The following MPPED1 variants were observed in gnomAD, a reference collection of about 807,000 sequenced individuals.
MPPED1 encodes metallophosphoesterase domain containing 1.
In MPPED1, 16 loss-of-function variants were observed where a neutral mutation model predicts 36.2. That is an observed-to-expected ratio of 0.44 (90% CI 0.30 to 0.67). MPPED1 has a LOEUF of 0.67. Ranked by LOEUF, MPPED1 falls within the 30% of genes least tolerant of loss-of-function variation. MPPED1 has a pLI of 0.10. For missense variants in MPPED1, 307 were observed against 453.4 expected (o/e 0.68, Z 2.93); for synonymous variants, 199 against 191.3 (o/e 1.04, Z -0.33).
intron 3 of MPPED1, among the ~76,000 whole-genome samples, chr22:43,444,156 G>C (rs1169611358): frequency 6.6e-6 from 1 of 152,144 alleles, no homozygotes; most frequent in Non-Finnish European, 1.5e-5. Context: ...GTAGTCAAGT[G>C]ATTTTGGCCA....
rs576834698 is a variant in MPPED1, at chr22:43,413,335, C to A, written c.-79+1177C>A. 3.0e-4 allele frequency among the ~76,000 whole-genome samples: 37 copies of A among 123,056 alleles called. No homozygotes were observed. In the Middle Eastern group the frequency reaches 0.014, roughly 47 times the overall value. The allele number at this position is 123,056 out of a possible 152,430, so 80.7% of individuals were successfully genotyped here. Reference sequence around the variant, plus strand: ...GATCTGCGGCGCCGGGGGGCGGGGGCGGGTCAGGCAGACAGGCACTGTCAA... The same window carrying A: ...GATCTGCGGCGCCGGGGGGCGGGGGAGGGTCAGGCAGACAGGCACTGTCAA... On this transcript the variant is annotated intron_variant, in intron 1 of 6. Transcript: ENST00000443721.
Position 43,495,323 on chromosome 22 carries a change from ATGG to A in MPPED1, c.633-2904_633-2902del, listed in dbSNP as rs1376936047. Among the ~76,000 whole-genome samples the A allele has an allele frequency of 8.2e-5, 5 of 61,166 alleles. No homozygotes were observed. In the East Asian group the frequency reaches 2.1e-3, roughly 25 times the overall value. 40.1% of individuals were successfully genotyped at this position (61,166 alleles called of 152,430 possible). A position where few individuals can be genotyped will look rare whatever the true frequency, so the allele number is the denominator to read the frequency against. On this transcript the variant is annotated intron_variant, in intron 4 of 6. Coordinates refer to ENST00000443721, the MANE Select transcript of MPPED1 (RefSeq NM_001044370.2). The stretch of plus-strand genomic sequence containing the variant: ...GGTGATGGTGGTGATGGTGGTGGTG[ATGG>A]TGGTGGTAGTGATGGAGGTGTTGAT...
chr22:43,415,389 C>G (rs528814510), intron 1 of MPPED1, among the ~76,000 whole-genome samples: 1 of 152,114 alleles, frequency 6.6e-6, no homozygotes, highest in Non-Finnish European at 1.5e-5. Flanking sequence ...GCTGCCAACA[C>G]AAATGTTTTA....
chr22:43,491,673 GAGGTGGTGGT>G (rs1457136347), intron 4 of MPPED1, among the ~76,000 whole-genome samples: 1 of 150,258 alleles, frequency 6.7e-6, no homozygotes, highest in African/African-American at 2.5e-5. Flanking sequence ...GATGGTGATG[GAGGTGGTGGT>G]TATGGAGGTG....
chr22:43,488,409 C>A (rs1227051566), intron 4 of MPPED1, among the ~76,000 whole-genome samples: 1 of 152,192 alleles, frequency 6.6e-6, no homozygotes, highest in African/African-American at 2.4e-5. Flanking sequence ...TCTGCCATTT[C>A]CTATAGACGA....
At chr22:43,471,745 C>T (rs543219979) in intron 3 of MPPED1, among the ~76,000 whole-genome samples, 4 of 152,188 alleles carry the variant, frequency 2.6e-5, no homozygotes, top group Non-Finnish European at 5.9e-5. Context: ...TGGGAGGCTT[C>T]ATTCGCCAGA....
chr22:43,455,461 T>G (rs528315132), intron 3 of MPPED1, among the ~76,000 whole-genome samples: 89 of 152,260 alleles, frequency 5.8e-4, no homozygotes, highest in African/African-American at 2.1e-3. Context: ...CCCTCTCATA[T>G]GACCTAATTT....
intron 3 of MPPED1, among the ~76,000 whole-genome samples, chr22:43,455,958 G>A (rs997293412): frequency 6.6e-6 from 1 of 152,216 alleles, no homozygotes; most frequent in African/African-American, 2.4e-5. Flanking sequence ...CGGCAGGGCT[G>A]TGTTCCTTCT....
chr22:43,474,659 C>G lies in MPPED1; in HGVS notation c.407-77C>G. ...TTCATGCAGCTTCCTCCTGCCCGCC[C>G]CTCTCTCAGCCGTGCTGTGGCTTCT... On this transcript the variant is annotated intron_variant, in intron 3 of 6. Transcript: ENST00000443721. The surrounding 1 kb of genome is among the most constrained non-coding windows in gnomAD (Gnocchi z 5.2). The G allele has an allele frequency of 6.4e-7, 1 of 1,570,092 alleles. No individual in the cohort carries two copies. The highest frequency in any genetic ancestry group is 8.7e-7 in the Non-Finnish European group (1 of 1,144,438).
At chr22:43,446,496 G>A (rs747667997) in intron 3 of MPPED1, among the ~76,000 whole-genome samples, 6 of 152,312 alleles carry the variant, frequency 3.9e-5, no homozygotes, top group East Asian at 3.9e-4. Flanking sequence ...GCAGCCAGCC[G>A]TGCCCATGTC....
At chr22:43,442,380 C>T (rs1930179901) in intron 3 of MPPED1, among the ~76,000 whole-genome samples, 2 of 152,042 alleles carry the variant, frequency 1.3e-5, no homozygotes, top group African/African-American at 4.8e-5. Context: ...GCTCTTCCTC[C>T]CTTTCCTGAC....
At chr22:43,484,814 C>G (rs1931858895) in intron 4 of MPPED1, among the ~76,000 whole-genome samples, 1 of 152,122 alleles carries the variant, frequency 6.6e-6, no homozygotes, top group East Asian at 1.9e-4. Context: ...TGGGAGCCAG[C>G]TGGTACGTGC....
chr22:43,495,478 G>GGTGGTA lies in MPPED1; in HGVS notation c.633-2752_633-2751insAGTGGT, dbSNP rs1932250964. Among the ~76,000 whole-genome samples, 4 of 42,788 alleles carry GGTGGTA rather than the reference G, an allele frequency of 9.3e-5. No homozygotes were observed. The African/African-American group carries it at 9.4e-4, about 10-fold the overall frequency. The allele number at this position is 42,788 out of a possible 152,430, so 28.1% of individuals were successfully genotyped here. A position where few individuals can be genotyped will look rare whatever the true frequency, so the allele number is the denominator to read the frequency against. ...TGGTGGAAGTGCTGGTGATGGTGGA[G>GGTGGTA]GTGGTGGTGGAGGTAGTGGTGGTGG... On this transcript the variant is annotated intron_variant, in intron 4 of 6. Transcript: ENST00000443721.
rs1156401272 is a variant in MPPED1 at position 43,502,186 on chromosome 22, TCTCA to T, written c.749-454_749-451del. 6.6e-6 allele frequency among the ~76,000 whole-genome samples: 1 copy of T among 152,060 alleles called. No homozygotes were observed. Among genetic ancestry groups the T allele is most frequent in the African/African-American group, 2.4e-5 (1 of 41,396 alleles). ...GTTTAGGAAGTTTCTGACATGGAAA[TCTCA>T]CTCCTGGGCTGTGTATCAGGACGCC... is the stretch of plus-strand genomic sequence containing the variant. On this transcript the variant is annotated intron_variant, in intron 5 of 6. Transcript: ENST00000443721. The surrounding 1 kb of genome is among the most constrained non-coding windows in gnomAD (Gnocchi z 5.5).
chr22:43,442,784 C>T (rs766100498), intron 3 of MPPED1, among the ~76,000 whole-genome samples: 3 of 152,184 alleles, frequency 2.0e-5, no homozygotes, highest in Non-Finnish European at 2.9e-5. Flanking sequence ...CAGATGAGAC[C>T]GTGTGTGCAC....
Position 43,505,841 on chromosome 22 carries a change from T to C in MPPED1, c.*225T>C. 1.9e-6 allele frequency: 1 copy of C among 533,814 alleles called. No homozygotes were observed. The highest frequency in any genetic ancestry group is 3.3e-6 in the Non-Finnish European group (1 of 299,094). 33.1% of individuals were successfully genotyped at this position (533,814 alleles called of 1,614,324 possible). A position where few individuals can be genotyped will look rare whatever the true frequency, so the allele number is the denominator to read the frequency against. ...TGTGCTCATTTACTTTTTCTGCGTG[T>C]ACATCCTGCGTGTACCTCGTTAAAG... On this transcript the variant is annotated 3_prime_UTR_variant, in exon 7 of 7. Coordinates refer to ENST00000443721, the MANE Select transcript of MPPED1 (RefSeq NM_001044370.2).
At chr22:43,500,341 T>C (rs1429845955) in intron 5 of MPPED1, among the ~76,000 whole-genome samples, 36 of 144,468 alleles carry the variant, frequency 2.5e-4, no homozygotes, top group Admixed American at 4.1e-4. Context: ...GTGGAGGTGG[T>C]GGTGGTGATG....
intron 3 of MPPED1, among the ~76,000 whole-genome samples, chr22:43,436,602 T>G (rs1332986217): frequency 6.6e-6 from 1 of 152,264 alleles, no homozygotes; most frequent in Non-Finnish European, 1.5e-5. Context: ...GATTCTCCCC[T>G]TGCCCACACT....
chr22:43,418,949 T>G (rs1018009579), intron 1 of MPPED1: 1 of 152,190 alleles, frequency 6.6e-6, no homozygotes, highest in African/African-American at 2.4e-5. Context: ...CCTTCTGCAT[T>G]CTTGAAATTT....
Sources: allele counts gnomAD v4.1 joint callset (sites outside exome capture counted in the v4.1 genomes callset), GRCh38; gene constraint gnomAD v4.1.1; non-coding constraint Gnocchi (gnomAD v3.1); transcripts MANE v1.5; gene names NCBI Gene and HGNC (gene_info 2026-07-23, HGNC 2026-07-21).